Variants in PTPRD observed in about 807,000 individuals in gnomAD.
PTPRD encodes the protein protein tyrosine phosphatase receptor type D.
A neutral mutation model predicts 214.5 loss-of-function variants in PTPRD; 34 were observed. The observed-to-expected ratio is 0.16, with a 90% CI of 0.12 to 0.21. The LOEUF is 0.21. PTPRD is among the 10% of genes least tolerant of loss of function. PTPRD has a pLI of 1.00. For synonymous variants in PTPRD, 1,128 were observed against 845.7 expected (o/e 1.33, Z -5.79); for missense variants, 2,545 against 2,398.7 (o/e 1.06, Z -1.27).
At chr9:10,546,283 C>T (rs2060153805) in intron 2 of PTPRD, among the ~76,000 whole-genome samples, 1 of 151,828 alleles carries the variant, frequency 6.6e-6, no homozygotes, top group African/African-American at 2.4e-5. Flanking sequence ...TATATTAAAG[C>T]CTTGATATGT....
intron 3 of PTPRD, among the ~76,000 whole-genome samples, chr9:10,318,195 C>T (rs543129961): frequency 2.6e-5 from 4 of 152,110 alleles, no homozygotes; most frequent in Middle Eastern, 3.4e-3. Flanking sequence ...GAAGATTTTA[C>T]GTGACTGCCT....
chr9:9,945,167 G>T (rs943430031), intron 4 of PTPRD, among the ~76,000 whole-genome samples: 3 of 152,118 alleles, frequency 2.0e-5, no homozygotes, highest in African/African-American at 7.2e-5. Context: ...TAGTGGCTTG[G>T]ATGGGATTAT....
At chr9:10,254,826 G>A (rs1449184026) in intron 3 of PTPRD, among the ~76,000 whole-genome samples, 2 of 152,128 alleles carry the variant, frequency 1.3e-5, no homozygotes, top group African/African-American at 2.4e-5. Flanking sequence ...TTACTCTGGC[G>A]GGTGCCTGTC....
intron 10 of PTPRD, among the ~76,000 whole-genome samples, chr9:9,120,209 A>C (rs550500669): frequency 8.5e-5 from 13 of 152,206 alleles, no homozygotes; most frequent in Non-Finnish European, 1.6e-4. Flanking sequence ...TACTAGACTG[A>C]AGAAATCTGT....
At chr9:8,595,200 A>T (rs1053861920) in intron 14 of PTPRD, among the ~76,000 whole-genome samples, 8 of 151,258 alleles carry the variant, frequency 5.3e-5, no homozygotes, top group African/African-American at 1.7e-4. Flanking sequence ...TGGCAAATTA[A>T]ATAAAAAACT....
At chr9:8,753,475 A>T (rs1227310669) in intron 11 of PTPRD, among the ~76,000 whole-genome samples, 1 of 152,184 alleles carries the variant, frequency 6.6e-6, no homozygotes, top group East Asian at 1.9e-4. Flanking sequence ...TAAAGGAATG[A>T]TATTTTGAAC....
At chr9:8,862,576 C>T (rs141704380) in intron 11 of PTPRD, among the ~76,000 whole-genome samples, 3 of 152,314 alleles carry the variant, frequency 2.0e-5, no homozygotes, top group Non-Finnish European at 2.9e-5. Flanking sequence ...TGTTCTGATT[C>T]CACTACCCAA....
At chr9:9,821,406 G>C (rs528350441) in intron 5 of PTPRD, among the ~76,000 whole-genome samples, 7 of 152,166 alleles carry the variant, frequency 4.6e-5, no homozygotes, top group East Asian at 3.9e-4. Flanking sequence ...TTTCCCTCTA[G>C]TCAACTTTTA....
intron 5 of PTPRD, among the ~76,000 whole-genome samples, chr9:9,840,272 G>A (rs2057963670): frequency 6.6e-6 from 1 of 151,940 alleles, no homozygotes; most frequent in Admixed American, 6.6e-5. Context: ...ACCTCCTAAA[G>A]TGCTGCATGA....
intron 4 of PTPRD, among the ~76,000 whole-genome samples, chr9:10,001,349 T>A (rs2096308526): frequency 6.6e-6 from 1 of 152,096 alleles, no homozygotes. Flanking sequence ...AAAAGAATAT[T>A]TGAAGATATA....
At chr9:10,296,981 C>G (rs1361433700) in intron 3 of PTPRD, among the ~76,000 whole-genome samples, 2 of 151,334 alleles carry the variant, frequency 1.3e-5, no homozygotes, top group Admixed American at 6.6e-5. Flanking sequence ...TTGACAATGC[C>G]CATCCACTTC....
chr9:9,102,250 T>G (rs1022213722), intron 10 of PTPRD, among the ~76,000 whole-genome samples: 1 of 152,238 alleles, frequency 6.6e-6, no homozygotes, highest in African/African-American at 2.4e-5. Context: ...AATAAGAGTA[T>G]TTTCTGTCAT....
At chr9:9,241,150 A>G (rs916803157) in intron 9 of PTPRD, among the ~76,000 whole-genome samples, 2 of 152,194 alleles carry the variant, frequency 1.3e-5, no homozygotes, top group African/African-American at 4.8e-5. Context: ...TTTTATGATT[A>G]CTTATTTGAA....
At chr9:10,189,113 C>T (rs1019123663) in intron 3 of PTPRD, among the ~76,000 whole-genome samples, 2 of 152,146 alleles carry the variant, frequency 1.3e-5, no homozygotes, top group Non-Finnish European at 2.9e-5. Flanking sequence ...GGATGTGCTG[C>T]AGCCTCCCTC....
intron 8 of PTPRD, among the ~76,000 whole-genome samples, chr9:9,527,873 T>G (rs2074500664): frequency 6.6e-6 from 1 of 152,188 alleles, no homozygotes. Flanking sequence ...AGAAAACTTC[T>G]GGCTAGAATG....
chr9:9,001,506 C>T (rs1331817118), intron 11 of PTPRD, among the ~76,000 whole-genome samples: 2 of 151,976 alleles, frequency 1.3e-5, no homozygotes, highest in East Asian at 3.9e-4. Context: ...TTCCTTCAGG[C>T]ACCTCTAGAT....
chr9:8,532,719 G>C (rs1179743498), intron 14 of PTPRD, among the ~76,000 whole-genome samples: 1 of 151,902 alleles, frequency 6.6e-6, no homozygotes, highest in African/African-American at 2.4e-5. Context: ...AAAGCCATTT[G>C]TTCTGTCATT....
At chr9:10,149,815 T>C (rs2099048538) in intron 3 of PTPRD, among the ~76,000 whole-genome samples, 1 of 151,812 alleles carries the variant, frequency 6.6e-6, no homozygotes, top group South Asian at 2.1e-4. Context: ...CTTGCAACCT[T>C]TGCCTCCCGG....
At chr9:10,377,309 A>G (rs2097750815) in intron 2 of PTPRD, among the ~76,000 whole-genome samples, 1 of 151,792 alleles carries the variant, frequency 6.6e-6, no homozygotes, top group Non-Finnish European at 1.5e-5. Context: ...TTATTATTAT[A>G]CTTTAAGTTC....
Sources: allele counts gnomAD v4.1 joint callset (sites outside exome capture counted in the v4.1 genomes callset), GRCh38; gene constraint gnomAD v4.1.1; transcripts MANE v1.5; gene names NCBI Gene and HGNC (gene_info 2026-07-23, HGNC 2026-07-21).